NDUFS4: variants seen among roughly 807,000 people sequenced by gnomAD.
NDUFS4 encodes the protein NADH:ubiquinone oxidoreductase subunit S4.
NDUFS4 carries 28 observed loss-of-function variants against 24.3 expected under a neutral mutation model. The observed-to-expected ratio is 1.15, with a 90% confidence interval of 0.85 to 1.58. The LOEUF is 1.58. Ranked by LOEUF, NDUFS4 falls within the 40% of genes most tolerant of loss-of-function variation. The pLI is 0.00. For synonymous variants in NDUFS4, 93 were observed against 69.7 expected, an observed-to-expected ratio of 1.34 and a Z score of -1.67; for missense variants, 223 against 207.9, an observed-to-expected ratio of 1.07 and a Z score of -0.45.
intron 4 of NDUFS4, among the ~76,000 whole-genome samples, chr5:53,659,117 C>T (rs1173323355): frequency 6.6e-6 from 1 of 152,122 alleles, no homozygotes; most frequent in Non-Finnish European, 1.5e-5. Flanking sequence ...ACATTTGCTA[C>T]TTTTCTAGAT....
chr5:53,610,544 A>T (rs551821113), intron 2 of NDUFS4, among the ~76,000 whole-genome samples: 35 of 152,208 alleles, frequency 2.3e-4, no homozygotes, highest in Non-Finnish European at 3.5e-4. Flanking sequence ...AAAAACATAA[A>T]AAAACAAAAA....
At chr5:53,619,950 T>C (rs1273851037) in intron 2 of NDUFS4, among the ~76,000 whole-genome samples, 1 of 152,160 alleles carries the variant, frequency 6.6e-6, no homozygotes, top group African/African-American at 2.4e-5. Context: ...TACCTAAGTC[T>C]AATCTTTGAT....
chr5:53,681,789 T>C (rs184532911), intron 4 of NDUFS4, among the ~76,000 whole-genome samples: 32 of 152,228 alleles, frequency 2.1e-4, no homozygotes, highest in East Asian at 1.5e-3. Flanking sequence ...ATGGATAAAG[T>C]AGATTAAAAG....
chr5:53,561,205 T>A (rs1032626688), intron 1 of NDUFS4, among the ~76,000 whole-genome samples: 16 of 152,186 alleles, frequency 1.1e-4, no homozygotes, highest in Non-Finnish European at 1.5e-5. Context: ...TGGTTTTAAT[T>A]TGGTTTCTGC....
chr5:53,624,218 T>G (rs1017454941), intron 2 of NDUFS4, among the ~76,000 whole-genome samples: 1 of 152,188 alleles, frequency 6.6e-6, no homozygotes, highest in Non-Finnish European at 1.5e-5. Flanking sequence ...GGCCCATATA[T>G]CTATTCTCTG....
chr5:53,646,280 A>AAT lies in NDUFS4; in HGVS notation c.226_227insTA (p.Lys76IlefsTer17), dbSNP rs1396007229. On this transcript the variant is annotated frameshift_variant, in exon 3 of 5. Coordinates refer to ENST00000296684, the MANE Select transcript of NDUFS4 (RefSeq NM_002495.4). LOFTEE classifies it high-confidence loss of function. ...TTCCAGAAGAGCATATAAAAACTAG[A>AAT]AAAGTCAGGATCTTTGTTCCTGCTC... The AAT allele has an allele frequency of 6.2e-7, 1 of 1,613,324 alleles. No homozygotes were observed. The highest frequency in any genetic ancestry group is 1.3e-5 in the African/African-American group (1 of 74,900).
In NDUFS4 at chr5:53,591,466, G is replaced by T. The variant is rs201958849; in HGVS notation, c.99-11986G>T. Among the ~76,000 whole-genome samples the T allele has an allele frequency of 6.7e-3, 913 of 135,946 alleles. 71 individuals carry two copies. The East Asian group carries it at 0.11, about 16-fold the overall frequency. 89.2% of individuals were successfully genotyped at this position (135,946 alleles called of 152,430 possible). On this transcript the variant is annotated intron_variant, in intron 1 of 4. Coordinates refer to ENST00000296684, the MANE Select transcript of NDUFS4 (RefSeq NM_002495.4). ...TACTTTTTGTTTGTTTTTTTTGGGG[G>T]GGGGGGGTGATAATAACTATCGTAA... is the stretch of plus-strand genomic sequence containing the variant.
chr5:53,630,508 A>G (rs182535617), intron 2 of NDUFS4, among the ~76,000 whole-genome samples: 47 of 152,200 alleles, frequency 3.1e-4, no homozygotes, highest in Non-Finnish European at 6.0e-4. Flanking sequence ...TATCACTTTC[A>G]GGTACACCAA....
chr5:53,670,177 G>A (rs1447686884), intron 4 of NDUFS4, among the ~76,000 whole-genome samples: 2 of 151,776 alleles, frequency 1.3e-5, no homozygotes, highest in East Asian at 1.9e-4. Flanking sequence ...ATAGGATACC[G>A]AGACCTAGAG....
chr5:53,603,583 G>A, intron 2 of NDUFS4, 53 bp downstream of exon 2: 4 of 1,393,200 alleles, frequency 2.9e-6, no homozygotes. Flanking sequence ...GGTTATTTTT[G>A]TACTATAGAT....
intron 3 of NDUFS4, among the ~76,000 whole-genome samples, chr5:53,649,409 G>A (rs894061746): frequency 1.3e-5 from 2 of 151,876 alleles, no homozygotes; most frequent in African/African-American, 2.4e-5. Context: ...CCATCTTTAC[G>A]TCCATGTGTA....
At chr5:53,629,278 T>C (rs1308372139) in intron 2 of NDUFS4, among the ~76,000 whole-genome samples, 1 of 152,210 alleles carries the variant, frequency 6.6e-6, no homozygotes, top group Non-Finnish European at 1.5e-5. Context: ...TTACATTTGC[T>C]GAGGAGTGTT....
intron 3 of NDUFS4, among the ~76,000 whole-genome samples, chr5:53,655,892 G>C (rs1266859208): frequency 6.6e-6 from 1 of 152,136 alleles, no homozygotes; most frequent in Non-Finnish European, 1.5e-5. Context: ...TCTCCCTTCA[G>C]ACTCAGTCTC....
At chr5:53,661,675 A>C (rs1348489035) in intron 4 of NDUFS4, among the ~76,000 whole-genome samples, 3 of 152,050 alleles carry the variant, frequency 2.0e-5, no homozygotes, top group African/African-American at 4.8e-5. Context: ...CTTTTATTTC[A>C]TTGAGCAGTG....
At chr5:53,568,232 A>G (rs1486291124) in intron 1 of NDUFS4, among the ~76,000 whole-genome samples, 1 of 151,964 alleles carries the variant, frequency 6.6e-6, no homozygotes, top group Non-Finnish European at 1.5e-5. Flanking sequence ...TCTCCAGTTC[A>G]CTGGTTTTTA....
intron 2 of NDUFS4, among the ~76,000 whole-genome samples, chr5:53,632,400 G>A (rs1349717958): frequency 1.3e-5 from 2 of 152,168 alleles, no homozygotes; most frequent in Admixed American, 1.3e-4. Flanking sequence ...AATGCCCAGA[G>A]TGTTCAGCAA....
At chr5:53,592,844 T>A (rs944973551) in intron 1 of NDUFS4, among the ~76,000 whole-genome samples, 4 of 152,222 alleles carry the variant, frequency 2.6e-5, no homozygotes, top group African/African-American at 9.6e-5. Context: ...TTGCATTGGC[T>A]ATTTTGAGTC....
At chr5:53,648,904 A>G (rs953096306) in intron 3 of NDUFS4, among the ~76,000 whole-genome samples, 1 of 152,150 alleles carries the variant, frequency 6.6e-6, no homozygotes, top group Non-Finnish European at 1.5e-5. Flanking sequence ...ACATTTTTGT[A>G]CAAGGGTGGT....
At chr5:53,654,286 T>A (rs1049222519) in intron 3 of NDUFS4, among the ~76,000 whole-genome samples, 9 of 152,146 alleles carry the variant, frequency 5.9e-5, no homozygotes, top group Admixed American at 5.2e-4. Context: ...GATCCAATTA[T>A]ATGTTTTATA....
Sources: gnomAD v4.1 joint callset for allele counts (sites outside exome capture counted in the v4.1 genomes callset) on GRCh38, gnomAD v4.1.1 for gene constraint, MANE v1.5 for transcripts, NCBI Gene and HGNC (gene_info 2026-07-23, HGNC 2026-07-21) for gene names.